Variants in ZFYVE9 observed in about 807,000 individuals in gnomAD.
ZFYVE9 encodes zinc finger FYVE-type containing 9, also known as zinc finger FYVE domain-containing protein 9.
ZFYVE9 carries 43 observed loss-of-function variants against 126.7 expected under a neutral mutation model. The observed-to-expected ratio is 0.34, with a 90% CI of 0.27 to 0.44. The LOEUF is 0.44. Ranked by LOEUF, ZFYVE9 falls within the 20% of genes least tolerant of loss-of-function variation. ZFYVE9 has a pLI of 1.00. For missense variants in ZFYVE9, 1,476 were observed against 1,697.0 expected (o/e 0.87, Z 2.29); for synonymous variants, 521 against 597.4 (o/e 0.87, Z 1.87).
At chr1:52,145,488 C>T (rs767761203) in intron 1 of ZFYVE9, among the ~76,000 whole-genome samples, 1 of 152,138 alleles carries the variant, frequency 6.6e-6, no homozygotes, top group Non-Finnish European at 1.5e-5. Context: ...TAATGTGGTA[C>T]AGAGTATGGA....
chr1:52,182,046 C>T (rs1267426597), intron 1 of ZFYVE9, among the ~76,000 whole-genome samples: 2 of 148,058 alleles, frequency 1.4e-5, no homozygotes, highest in South Asian at 2.2e-4. Flanking sequence ...GGGAGGGAGG[C>T]GAGGGGGTCA....
At chr1:52,225,767 T>G (rs549649608) in intron 2 of ZFYVE9, among the ~76,000 whole-genome samples, 2 of 152,242 alleles carry the variant, frequency 1.3e-5, no homozygotes, top group African/African-American at 4.8e-5. Context: ...GGTCTCAGTT[T>G]ATTTAGAAAG....
intron 1 of ZFYVE9, among the ~76,000 whole-genome samples, chr1:52,157,937 G>C (rs1644418907): frequency 1.3e-5 from 2 of 152,030 alleles, no homozygotes; most frequent in South Asian, 4.1e-4. Context: ...TTGATGCATG[G>C]TCTTCTCTCC....
At chr1:52,145,566 T>C (rs1237687817) in intron 1 of ZFYVE9, among the ~76,000 whole-genome samples, 2 of 152,176 alleles carry the variant, frequency 1.3e-5, no homozygotes, top group African/African-American at 4.8e-5. Context: ...CTGAGTTTCT[T>C]ATGTACTATT....
Position 52,303,214 on chromosome 1 carries a change from C to T in ZFYVE9, c.3334-607C>T, listed in dbSNP as rs542425203. On this transcript the variant is annotated intron_variant, in intron 12 of 18. Coordinates refer to ENST00000287727, the MANE Select transcript of ZFYVE9 (RefSeq NM_004799.4). The stretch of plus-strand genomic sequence containing the variant: ...TGATCTTTTCTTCCATTCTTCCTCC[C>T]TTACCACCTATTCATTACCAAGGAG... Among the ~76,000 whole-genome samples the T allele has an allele frequency of 2.6e-5, 4 of 152,286 alleles. No homozygotes were observed. In the East Asian group the frequency reaches 7.7e-4, roughly 29 times the overall value.
chr1:52,181,844 C>T (rs1017795162), intron 1 of ZFYVE9, among the ~76,000 whole-genome samples: 2 of 150,286 alleles, frequency 1.3e-5, no homozygotes, highest in East Asian at 2.0e-4. Flanking sequence ...CCCCTCCGCC[C>T]TGCAGCCGCC....
chr1:52,187,838 T>C (rs1244626318), intron 1 of ZFYVE9, among the ~76,000 whole-genome samples: 4 of 152,250 alleles, frequency 2.6e-5, no homozygotes, highest in African/African-American at 4.8e-5. Context: ...AAGGGAATTC[T>C]TATACACTGT....
intron 1 of ZFYVE9, among the ~76,000 whole-genome samples, chr1:52,176,422 C>T (rs1644629118): frequency 6.6e-6 from 1 of 152,204 alleles, no homozygotes; most frequent in South Asian, 2.1e-4. Flanking sequence ...GGGTGTCTCC[C>T]AGTTAGGCTG....
intron 10 of ZFYVE9, 77 bp from the exon 11 acceptor site, chr1:52,293,376 C>CAAAAAAA (rs376379860): frequency 7.1e-5 from 43 of 603,894 alleles, no homozygotes; most frequent in Admixed American, 1.6e-4. Flanking sequence ...GACTCCGTCT[C>CAAAAAAA]AAAAAAAAAA....
At chr1:52,330,526 A>T (rs926105879) in intron 13 of ZFYVE9, among the ~76,000 whole-genome samples, 2 of 152,168 alleles carry the variant, frequency 1.3e-5, no homozygotes, top group African/African-American at 4.8e-5. Context: ...TCCTTTTTAG[A>T]TCATATAGGG....
At chr1:52,324,078 C>CA (rs1646267386) in intron 13 of ZFYVE9, among the ~76,000 whole-genome samples, 1 of 150,502 alleles carries the variant, frequency 6.6e-6, no homozygotes, top group Non-Finnish European at 1.5e-5. Flanking sequence ...AAAATAACCA[C>CA]AAAAAAACAA....
At chr1:52,179,934 G>T in intron 1 of ZFYVE9, 1 of 1,055,060 alleles carries the variant, frequency 9.5e-7, no homozygotes, top group East Asian at 2.4e-5. Context: ...AGAGGAGGCA[G>T]AAGATGAGCA....
At chr1:52,305,168 C>T (rs1205320490) in intron 13 of ZFYVE9, among the ~76,000 whole-genome samples, 3 of 152,188 alleles carry the variant, frequency 2.0e-5, no homozygotes, top group Non-Finnish European at 2.9e-5. Flanking sequence ...TGGCCAAGCG[C>T]GATGGCTCAC....
intron 7 of ZFYVE9, among the ~76,000 whole-genome samples, chr1:52,273,330 T>C (rs1053241999): frequency 6.6e-6 from 1 of 152,180 alleles, no homozygotes; most frequent in Admixed American, 6.5e-5. Context: ...TAAAAGCTTC[T>C]ATTTCATGTT....
chr1:52,303,031 A>C (rs914839767), intron 12 of ZFYVE9, among the ~76,000 whole-genome samples: 11 of 151,928 alleles, frequency 7.2e-5, no homozygotes, highest in African/African-American at 2.7e-4. Context: ...ACTCGCTTGA[A>C]CCCTGGAGGC....
At chr1:52,257,061 G>A (rs897186757) in intron 4 of ZFYVE9, among the ~76,000 whole-genome samples, 10 of 152,194 alleles carry the variant, frequency 6.6e-5, no homozygotes, top group African/African-American at 2.4e-4. Flanking sequence ...AGGAATAAGT[G>A]TTATTCACAC....
At chr1:52,304,826 A>G (rs1646067600) in intron 13 of ZFYVE9, among the ~76,000 whole-genome samples, 1 of 151,974 alleles carries the variant, frequency 6.6e-6, no homozygotes, top group Non-Finnish European at 1.5e-5. Flanking sequence ...AGAAAATAGT[A>G]GCTAGAATGT....
chr1:52,279,744 C>T (rs1270127643), intron 9 of ZFYVE9, among the ~76,000 whole-genome samples: 1 of 152,182 alleles, frequency 6.6e-6, no homozygotes, highest in African/African-American at 2.4e-5. Context: ...GCTGGGATTA[C>T]AGATGTGAGC....
At chr1:52,255,953 C>CTT (rs1286999133) in intron 4 of ZFYVE9, among the ~76,000 whole-genome samples, 1 of 101,214 alleles carries the variant, frequency 9.9e-6, no homozygotes, top group African/African-American at 4.7e-5. Context: ...CTTTTCTTTT[C>CTT]TTTTCTTTTC....
Sources: allele counts gnomAD v4.1 joint callset (sites outside exome capture counted in the v4.1 genomes callset), GRCh38; gene constraint gnomAD v4.1.1; transcripts MANE v1.5; gene names NCBI Gene and HGNC (gene_info 2026-07-23, HGNC 2026-07-21).